Variants in RNF220 observed in about 807,000 individuals in gnomAD.
RNF220 encodes E3 ubiquitin-protein ligase RNF220.
Under a neutral mutation model 67.1 loss-of-function variants are expected in RNF220, and 7 were observed. The observed-to-expected ratio is 0.10, with a 90% confidence interval of 0.06 to 0.20. The LOEUF is 0.20. RNF220 is among the 10% of genes least tolerant of loss of function. The pLI, the probability that RNF220 is intolerant of heterozygous loss-of-function variation, is 1.00. For missense variants in RNF220, 565 were observed against 740.3 expected, an observed-to-expected ratio of 0.76 and a Z score of 2.75; for synonymous variants, 270 against 283.2, an observed-to-expected ratio of 0.95 and a Z score of 0.47.
At chr1:44,585,838 T>G (rs1665655658) in intron 2 of RNF220, among the ~76,000 whole-genome samples, 1 of 152,190 alleles carries the variant, frequency 6.6e-6, no homozygotes, top group Non-Finnish European at 1.5e-5. Context: ...GTCTGACCTT[T>G]AGGTCAGAGC....
At position 44,584,396 on chromosome 1, in the gene RNF220, G is replaced by A. The variant is rs189563787; in HGVS notation, c.626-29769G>A. The stretch of plus-strand genomic sequence containing the variant: ...CCCTTGTCAAATTCCAAAGCAAGTC[G>A]TAAATTCATTAACCTCGTAGGGATT... On this transcript the variant is annotated intron_variant, in intron 2 of 14. Coordinates refer to ENST00000361799, the MANE Select transcript of RNF220 (RefSeq NM_018150.4). Among the ~76,000 whole-genome samples, 92 of 152,328 alleles carry A rather than the reference G, an allele frequency of 6.0e-4. 1 individual carries two copies. In the East Asian group the frequency reaches 9.3e-3, roughly 15 times the overall value.
At chr1:44,609,803 G>A (rs1667537505) in intron 2 of RNF220, among the ~76,000 whole-genome samples, 3 of 152,228 alleles carry the variant, frequency 2.0e-5, no homozygotes, top group African/African-American at 7.2e-5. Flanking sequence ...ACTCCCTGTT[G>A]GAGCCTCACT....
rs1195899399 is a variant in RNF220, at chr1:44,472,388, TG to T, written c.625+59667del. On this transcript the variant is annotated intron_variant, in intron 2 of 14. Coordinates refer to ENST00000361799, the MANE Select transcript of RNF220 (RefSeq NM_018150.4). ...CCTGGGTGCCACTTATTTTCTGGTT[TG>T]TTTTTTTGTTATGTTTTGTTTGGGA... 4.2e-5 allele frequency among the ~76,000 whole-genome samples: 6 copies of T among 142,226 alleles called. No homozygotes were observed. In the East Asian group the frequency reaches 1.6e-3, roughly 37 times the overall value. 93.3% of individuals were successfully genotyped at this position (142,226 alleles called of 152,430 possible).
intron 2 of RNF220, among the ~76,000 whole-genome samples, chr1:44,422,802 C>G (rs147968063): frequency 1.8e-3 from 275 of 152,278 alleles, no homozygotes; most frequent in African/African-American, 6.4e-3. Context: ...CCAGTTTTAC[C>G]TCCATAAGAT....
intron 1 of RNF220, among the ~76,000 whole-genome samples, chr1:44,408,089 A>G (rs573740911): frequency 3.9e-5 from 6 of 152,174 alleles, no homozygotes; most frequent in African/African-American, 1.4e-4. Context: ...AGGTCGGGCC[A>G]AAGAGTAGTG....
intron 6 of RNF220, among the ~76,000 whole-genome samples, chr1:44,634,278 C>G (rs955503157): frequency 3.9e-5 from 6 of 152,204 alleles, no homozygotes; most frequent in African/African-American, 1.2e-4. Flanking sequence ...CTTGCCTTTG[C>G]CACTTTTTAG....
intron 2 of RNF220, among the ~76,000 whole-genome samples, chr1:44,451,788 T>C (rs2147931668): frequency 6.6e-6 from 1 of 152,194 alleles, no homozygotes; most frequent in Non-Finnish European, 1.5e-5. Context: ...GCTCAGCGAA[T>C]TTTTGTATTT....
intron 2 of RNF220, among the ~76,000 whole-genome samples, chr1:44,537,521 T>C (rs1193156577): frequency 6.6e-6 from 1 of 152,200 alleles, no homozygotes; most frequent in Non-Finnish European, 1.5e-5. Flanking sequence ...GGGGGATCCA[T>C]AGACTTCTTG....
intron 2 of RNF220, among the ~76,000 whole-genome samples, chr1:44,497,785 A>G (rs1657475157): frequency 1.3e-5 from 2 of 152,132 alleles, no homozygotes; most frequent in African/African-American, 4.8e-5. Flanking sequence ...TTGAGCACCT[A>G]CTATACTGCT....
intron 5 of RNF220, among the ~76,000 whole-genome samples, chr1:44,630,394 A>T (rs1312081008): frequency 6.6e-6 from 1 of 152,228 alleles, no homozygotes; most frequent in African/African-American, 2.4e-5. Context: ...AATTGTAAGT[A>T]ACAGAATTAG....
At position 44,405,378 on chromosome 1, in the gene RNF220, C is replaced by CTGT; in HGVS notation, c.-268_-267insTTG. ...ACACAAACCCGGGGCCAGCCGCCTA[C>CTGT]TGCTGCTGCTGCTGCTGCCGCTGCC... is the stretch of plus-strand genomic sequence containing the variant. On this transcript the variant is annotated 5_prime_UTR_variant, in exon 1 of 15. Coordinates refer to ENST00000361799, the MANE Select transcript of RNF220 (RefSeq NM_018150.4). 2.0e-6 allele frequency: 1 copy of CTGT among 501,022 alleles called. No individual in the cohort carries two copies. The highest frequency in any genetic ancestry group is 3.1e-5 in the Admixed American group (1 of 32,164). 31.0% of individuals were successfully genotyped at this position (501,022 alleles called of 1,614,324 possible).
At chr1:44,613,237 C>A (rs1643391895) in intron 2 of RNF220, among the ~76,000 whole-genome samples, 1 of 147,196 alleles carries the variant, frequency 6.8e-6, no homozygotes, top group Non-Finnish European at 1.5e-5. Flanking sequence ...AATAGGGCTC[C>A]TCAACCCCAC....
At chr1:44,639,496 G>A (rs755539951) in intron 8 of RNF220, among the ~76,000 whole-genome samples, 1 of 152,244 alleles carries the variant, frequency 6.6e-6, no homozygotes, top group Non-Finnish European at 1.5e-5. Context: ...CACAGGAAAT[G>A]GAAGCCTGCA....
rs11584456 is a variant in RNF220 at position 44,489,408 on chromosome 1, G to A, written c.625+76686G>A. Reference sequence around the variant, plus strand: ...TAAGAACAATTCGATAAGCTGTCTTGGGAGTTCAGAGGAAAGGGAGATGGC... The same window carrying A: ...TAAGAACAATTCGATAAGCTGTCTTAGGAGTTCAGAGGAAAGGGAGATGGC... On this transcript the variant is annotated intron_variant, in intron 2 of 14. Coordinates refer to ENST00000361799, the MANE Select transcript of RNF220 (RefSeq NM_018150.4). Among the ~76,000 whole-genome samples the A allele has an allele frequency of 5.4e-3, 825 of 152,324 alleles. 4 individuals are homozygous for A. Among genetic ancestry groups the A allele is most frequent in the South Asian group, 7.7e-3 (37 of 4,828 alleles).
At chr1:44,455,931 A>G (rs1421823891) in intron 2 of RNF220, among the ~76,000 whole-genome samples, 1 of 152,190 alleles carries the variant, frequency 6.6e-6, no homozygotes, top group African/African-American at 2.4e-5. Context: ...GTGATGAGGA[A>G]GGAGTGGTAC....
chr1:44,478,221 C>T lies in RNF220; in HGVS notation c.625+65499C>T, dbSNP rs1298848875. Among the ~76,000 whole-genome samples, 3 of 152,102 alleles carry T rather than the reference C, an allele frequency of 2.0e-5. 1 individual carries two copies. The highest frequency in any genetic ancestry group is 4.4e-5 in the Non-Finnish European group (3 of 68,020). ...TCTCAAACTCCTGACCTCAAGTGAT[C>T]TCCCTGCCTCCGCCTCCCAAATGCA... On this transcript the variant is annotated intron_variant, in intron 2 of 14. Coordinates refer to ENST00000361799, the MANE Select transcript of RNF220 (RefSeq NM_018150.4).
chr1:44,423,566 T>G (rs1343428288), intron 2 of RNF220, among the ~76,000 whole-genome samples: 1 of 152,176 alleles, frequency 6.6e-6, no homozygotes, highest in Admixed American at 6.5e-5. Flanking sequence ...CCCAGAACCA[T>G]GCTTGGCACA....
At chr1:44,478,182 G>T (rs1655459124) in intron 2 of RNF220, among the ~76,000 whole-genome samples, 1 of 152,038 alleles carries the variant, frequency 6.6e-6, no homozygotes, top group Non-Finnish European at 1.5e-5. Context: ...GTTTCACCAT[G>T]TTAGCCAGTC....
chr1:44,632,433 C>CCCCCCCCCCCCCCCCCAA, intron 6 of RNF220, 48 bp downstream of exon 6: 1 of 1,523,138 alleles, frequency 6.6e-7, no homozygotes, highest in Non-Finnish European at 8.9e-7. Context: ...GGCCTCCTCC[C>CCCCCCCCCCCCCCCCCAA]TCCCTCCCTC....
Sources: allele counts gnomAD v4.1 joint callset (sites outside exome capture counted in the v4.1 genomes callset), GRCh38; gene constraint gnomAD v4.1.1; transcripts MANE v1.5; gene names NCBI Gene and HGNC (gene_info 2026-07-23, HGNC 2026-07-21).